The following GPT2 variants were observed in gnomAD, a reference collection of about 807,000 sequenced individuals.
GPT2 encodes alanine aminotransferase 2.
In GPT2, 30 loss-of-function variants were observed where a neutral mutation model predicts 56.9. The observed-to-expected ratio is 0.53, with a 90% CI of 0.39 to 0.72. The LOEUF (loss-of-function observed/expected upper bound fraction) is 0.72. Among genes scored for constraint, GPT2 ranks in the 30% least tolerant of loss-of-function variants. The pLI, the probability that GPT2 is intolerant of heterozygous loss-of-function variation, is 0.00. For missense variants in GPT2, 542 were observed against 703.4 expected, an observed-to-expected ratio of 0.77 and a Z score of 2.60; for synonymous variants, 271 against 283.1, an observed-to-expected ratio of 0.96 and a Z score of 0.43.
chr16:46,906,610 GGATGGATGTGTGGGTGGATGAGTA>G (rs1431464985), intron 4 of GPT2, among the ~76,000 whole-genome samples: 16 of 152,268 alleles, frequency 1.1e-4, no homozygotes, highest in African/African-American at 2.6e-4. Flanking sequence ...GTGGATGAGT[GGATGGATGTGTGGGTGGATGAGTA>G]GATGGGTGGA....
intron 6 of GPT2, among the ~76,000 whole-genome samples, chr16:46,911,029 A>AT (rs1217261919): frequency 1.3e-5 from 2 of 151,896 alleles, no homozygotes; most frequent in Non-Finnish European, 2.9e-5. Flanking sequence ...ACTCTTCCTT[A>AT]TTTTTCTGAA....
chr16:46,901,624 G>A (rs1194032808), intron 4 of GPT2, among the ~76,000 whole-genome samples: 4 of 152,216 alleles, frequency 2.6e-5, no homozygotes, highest in South Asian at 2.1e-4. Flanking sequence ...TGATGTTCCC[G>A]AAAGTGGAGC....
At chr16:46,898,198 C>T (rs1320017495) in intron 3 of GPT2, among the ~76,000 whole-genome samples, 1 of 152,190 alleles carries the variant, frequency 6.6e-6, no homozygotes, top group Non-Finnish European at 1.5e-5. Context: ...TGGCAGAGCG[C>T]CGCCTCGGGA....
At chr16:46,921,491 T>A (rs766206344) in intron 8 of GPT2, among the ~76,000 whole-genome samples, 72 of 152,190 alleles carry the variant, frequency 4.7e-4, no homozygotes, top group Admixed American at 3.3e-3. Context: ...AGCATGTTAC[T>A]AAGCATCTCA....
intron 6 of GPT2, among the ~76,000 whole-genome samples, chr16:46,911,959 A>G (rs1343232905): frequency 1.3e-5 from 2 of 152,180 alleles, no homozygotes; most frequent in East Asian, 3.8e-4. Context: ...TATTAATCTG[A>G]TATATTGACA....
intron 6 of GPT2, among the ~76,000 whole-genome samples, chr16:46,912,752 G>A (rs1034071648): frequency 5.9e-5 from 9 of 152,186 alleles, no homozygotes; most frequent in African/African-American, 1.4e-4. Flanking sequence ...GAGAATCAGG[G>A]CGGGGCAGGG....
At chr16:46,885,072 C>A in intron 2 of GPT2, 114 bp downstream of exon 2, 1 of 1,350,378 alleles carries the variant, frequency 7.4e-7, no homozygotes, top group Non-Finnish European at 9.5e-7. Flanking sequence ...GCTCCTCAGT[C>A]AGCCAAGCCT....
chr16:46,924,400 G>A lies in GPT2; in HGVS notation c.1224G>A (p.Ser408=), dbSNP rs761347838. Residue 408 remains serine, a synonymous_variant, in exon 10 of 12, where the codon TCG becomes TCA. Coordinates refer to ENST00000340124, the MANE Select transcript of GPT2 (RefSeq NM_133443.4). ...SFEQFSREKE[S]VLGNLAKKAK... is the part of the protein sequence containing the mutation. ...CCATCTCTCATCAGGAGAAGGAGTC[G>A]GTCCTGGGTAATCTGGCCAAAAAAG... The A allele has an allele frequency of 2.0e-5, 33 of 1,614,074 alleles. No individual in the cohort carries two copies. Among genetic ancestry groups the A allele is most frequent in the African/African-American group, 2.7e-5 (2 of 74,922 alleles).
intron 8 of GPT2, among the ~76,000 whole-genome samples, chr16:46,920,543 A>C (rs1242528594): frequency 1.3e-5 from 2 of 152,238 alleles, no homozygotes; most frequent in East Asian, 3.8e-4. Flanking sequence ...AGCAAAGGGC[A>C]TGTGTTCCCA....
intron 6 of GPT2, among the ~76,000 whole-genome samples, chr16:46,910,638 C>T (rs1435683994): frequency 1.3e-5 from 2 of 152,094 alleles, no homozygotes; most frequent in Non-Finnish European, 2.9e-5. Flanking sequence ...CTCTGTGGCT[C>T]CAGGCCTGGC....
chr16:46,921,639 G>A (rs527379535), intron 8 of GPT2, among the ~76,000 whole-genome samples: 1 of 152,264 alleles, frequency 6.6e-6, no homozygotes, highest in African/African-American at 2.4e-5. Context: ...GATGTATGTT[G>A]CTGATTTGGT....
intron 4 of GPT2, among the ~76,000 whole-genome samples, chr16:46,905,606 TC>T (rs1960909359): frequency 1.3e-5 from 2 of 152,198 alleles, no homozygotes; most frequent in Non-Finnish European, 2.9e-5. Flanking sequence ...GGAATTCACC[TC>T]ACCAGTTTGA....
At chr16:46,922,575 G>C (rs539211450) in intron 9 of GPT2, among the ~76,000 whole-genome samples, 159 bp downstream of exon 9, 77 of 152,342 alleles carry the variant, frequency 5.1e-4, no homozygotes, top group South Asian at 1.2e-3. Flanking sequence ...CCACCCCTAT[G>C]AGTTGAAGTC....
At position 46,921,963 on chromosome 16, in the gene GPT2, G is replaced by A. The variant is rs577432831; in HGVS notation, c.1038-279G>A. Among the ~76,000 whole-genome samples, 7 of 152,352 alleles carry A rather than the reference G, an allele frequency of 4.6e-5. No homozygotes were observed. In the South Asian group the frequency reaches 1.0e-3, roughly 23 times the overall value. ...AGTCCCAGCTATTTGTGAGGCTGAA[G>A]TGGGACTATTGCTTGAGCCTAGGTG... On this transcript the variant is annotated intron_variant, in intron 8 of 11. Transcript: ENST00000340124.
chr16:46,899,010 T>TAAC (rs1337440608), intron 3 of GPT2, among the ~76,000 whole-genome samples: 1 of 2,080 alleles, frequency 4.8e-4, no homozygotes, highest in African/African-American at 7.6e-4. Context: ...TATATATATA[T>TAAC]ATATATATAT....
intron 2 of GPT2, among the ~76,000 whole-genome samples, chr16:46,888,701 A>G (rs947809826): frequency 2.0e-5 from 3 of 152,026 alleles, no homozygotes; most frequent in Non-Finnish European, 4.4e-5. Flanking sequence ...CTAGGCTGGA[A>G]TGCAGTGGCA....
Position 46,885,351 on chromosome 16 carries a change from G to A in GPT2, c.243+393G>A, listed in dbSNP as rs1960462996. The A allele has an allele frequency of 6.7e-6, 5 of 750,190 alleles. No individual in the cohort carries two copies. The South Asian group carries it at 2.4e-4, about 36-fold the overall frequency. 46.5% of individuals were successfully genotyped at this position (750,190 alleles called of 1,614,324 possible). A position where few individuals can be genotyped will look rare whatever the true frequency, so the allele number is the denominator to read the frequency against. On this transcript the variant is annotated intron_variant, in intron 2 of 11. Coordinates refer to ENST00000340124, the MANE Select transcript of GPT2 (RefSeq NM_133443.4). ...AAAAAAGTAAAACGGAAGAGGGTTGGGATGGGGGCGGTGGGAGGGAAACCA... is the reference window on the plus strand; with the variant it reads ...AAAAAAGTAAAACGGAAGAGGGTTGAGATGGGGGCGGTGGGAGGGAAACCA...
In GPT2 at chr16:46,909,703, T is replaced by C. The variant is rs1254676857; in HGVS notation, c.596T>C (p.Val199Ala). Residue 199 changes from valine (V) to alanine (A), a missense_variant, in exon 6 of 12, where the codon GTC becomes GCC. Physicochemically the swap from Val to Ala is moderately conservative, Grantham distance 64. Transcript: ENST00000340124. ...DGISTILKIL[V>A]SGGGKSRTGV... ...TTGCAGACGATCCTGAAGATCCTCG[T>C]CTCCGGGGGCGGCAAGTCACGGACA... 2 of 1,613,606 alleles carry C rather than the reference T, an allele frequency of 1.2e-6. No individual in the cohort carries two copies. Among genetic ancestry groups the C allele is most frequent in the Non-Finnish European group, 1.7e-6 (2 of 1,179,730 alleles).
At chr16:46,893,288 G>A (rs553642720) in intron 2 of GPT2, among the ~76,000 whole-genome samples, 3 of 152,214 alleles carry the variant, frequency 2.0e-5, no homozygotes, top group Middle Eastern at 3.4e-3. Context: ...GTGCCACCAC[G>A]CCTGGCAAAT....
Sources: allele counts gnomAD v4.1 joint callset (sites outside exome capture counted in the v4.1 genomes callset), GRCh38; gene constraint gnomAD v4.1.1; transcripts MANE v1.5; gene names NCBI Gene and HGNC (gene_info 2026-07-23, HGNC 2026-07-21).